Variants in ZNF366 observed in about 807,000 individuals in gnomAD.
ZNF366 encodes the protein dendritic cell-specific transcript protein.
Under a neutral mutation model 47.2 loss-of-function variants are expected in ZNF366, and 20 were observed. The observed-to-expected ratio is 0.42, with a 90% CI of 0.30 to 0.62. The LOEUF (loss-of-function observed/expected upper bound fraction) is 0.62, where lower values mean the gene tolerates loss of function less well. Ranked by LOEUF, ZNF366 falls within the 20% of genes least tolerant of loss-of-function variation. ZNF366 has a pLI of 0.16. For missense variants in ZNF366, 987 were observed against 976.3 expected, an observed-to-expected ratio of 1.01 and a Z score of -0.15; for synonymous variants, 421 against 395.1, an observed-to-expected ratio of 1.07 and a Z score of -0.78.
chr5:72,505,877 G>A (rs560292256), intron 1 of ZNF366, among the ~76,000 whole-genome samples: 4 of 152,244 alleles, frequency 2.6e-5, no homozygotes, highest in East Asian at 3.9e-4. Context: ...TTTTGCATCC[G>A]CAAGCTGGCA....
intron 3 of ZNF366, among the ~76,000 whole-genome samples, chr5:72,454,548 G>A (rs766956484): frequency 1.3e-5 from 2 of 152,226 alleles, no homozygotes; most frequent in African/African-American, 4.8e-5. Context: ...AATTGATGAG[G>A]TGGAGGTAGG....
intron 2 of ZNF366, among the ~76,000 whole-genome samples, chr5:72,458,012 CTTTTTTTTTTT>C (rs1228705988): frequency 3.1e-5 from 3 of 97,056 alleles, no homozygotes; most frequent in Non-Finnish European, 6.1e-5. Flanking sequence ...TAGCATCTTT[CTTTTTTTTTTT>C]TTTTTTTTTT....
chr5:72,492,185 C>T (rs1744025681), intron 1 of ZNF366, among the ~76,000 whole-genome samples: 1 of 152,122 alleles, frequency 6.6e-6, no homozygotes, highest in Non-Finnish European at 1.5e-5. Flanking sequence ...TCATTTGATC[C>T]CAGTGGGTAG....
chr5:72,482,193 A>G (rs1743802034), intron 1 of ZNF366, among the ~76,000 whole-genome samples: 1 of 152,248 alleles, frequency 6.6e-6, no homozygotes, highest in Admixed American at 6.5e-5. Flanking sequence ...ACTCATAAGT[A>G]GAGACAAAAC....
At position 72,444,283 on chromosome 5, in the gene ZNF366, T is replaced by C; in HGVS notation, c.1708A>G (p.Arg570Gly). 1 of 1,608,318 alleles carries C rather than the reference T, an allele frequency of 6.2e-7. No homozygotes were observed. Among genetic ancestry groups the C allele is most frequent in the South Asian group, 1.1e-5 (1 of 90,524 alleles). ...GTCTGTGCCAGGGCGATTCTCCCCC[T>C]TCCCAGACCTGCAAGAGCAGAGTAA... is the stretch of plus-strand genomic sequence containing the variant. The part of the protein sequence containing the change: ...ERGLHSQGLG[R>G]GRIALAQTAG... Residue 570 changes from arginine to glycine, a missense_variant, in exon 5 of 5, where the codon AGG becomes GGG. Arg to Gly is a moderately radical substitution (Grantham distance 125). Around this residue, in one of 3 missense-constraint regions of ZNF366, gnomAD observed 285 missense variants for 234.8 expected, o/e 1.21. Coordinates refer to ENST00000318442, the MANE Select transcript of ZNF366 (RefSeq NM_152625.3).
intron 3 of ZNF366, among the ~76,000 whole-genome samples, chr5:72,447,864 T>C (rs1300337466): frequency 6.6e-6 from 1 of 152,204 alleles, no homozygotes; most frequent in Non-Finnish European, 1.5e-5. Context: ...TGGTTGCTAT[T>C]ACCACCCCCA....
intron 1 of ZNF366, among the ~76,000 whole-genome samples, chr5:72,484,376 C>G (rs547847385): frequency 1.2e-4 from 18 of 148,096 alleles, no homozygotes; most frequent in Non-Finnish European, 2.3e-4. Context: ...CCCAGCTACT[C>G]GGGAGGCTGA....
chr5:72,500,216 C>T (rs558903178), intron 1 of ZNF366, among the ~76,000 whole-genome samples: 1 of 152,056 alleles, frequency 6.6e-6, no homozygotes, highest in Non-Finnish European at 1.5e-5. Context: ...CGGCAGAGTA[C>T]GTTTTCTTCC....
At chr5:72,469,243 G>A (rs1045994985) in intron 1 of ZNF366, among the ~76,000 whole-genome samples, 31 of 152,000 alleles carry the variant, frequency 2.0e-4, no homozygotes, top group African/African-American at 7.5e-4. Flanking sequence ...GCTGGGGAGA[G>A]GTTGATAGAA....
chr5:72,442,634 G>A lies in ZNF366; in HGVS notation c.*1122C>T, dbSNP rs927773818. 2 of 147,568 alleles carry A rather than the reference G, an allele frequency of 1.4e-5. No individual in the cohort carries two copies. The highest frequency in any genetic ancestry group is 1.4e-4 in the Admixed American group (2 of 14,754). The allele number at this position is 147,568 out of a possible 1,614,324, so 9.1% of individuals were successfully genotyped here. A position where few individuals can be genotyped will look rare whatever the true frequency, so the allele number is the denominator to read the frequency against. ...AAAGCCCCCTGGTCACTGGTGACAA[G>A]TCTTCCTGCATCTGTCCTTTTTTTT... On this transcript the variant is annotated 3_prime_UTR_variant, in exon 5 of 5. Transcript: ENST00000318442.
At chr5:72,483,108 G>A (rs1433489989) in intron 1 of ZNF366, among the ~76,000 whole-genome samples, 1 of 152,166 alleles carries the variant, frequency 6.6e-6, no homozygotes, top group Non-Finnish European at 1.5e-5. Context: ...TTCATGGTGA[G>A]AAGTCAGGCA....
chr5:72,480,265 A>G (rs1034488962), intron 1 of ZNF366, among the ~76,000 whole-genome samples: 5 of 152,254 alleles, frequency 3.3e-5, no homozygotes, highest in East Asian at 1.9e-4. Flanking sequence ...TGAGGGGCCT[A>G]TTCTGAGAGA....
At chr5:72,491,434 A>G (rs1215942334) in intron 1 of ZNF366, among the ~76,000 whole-genome samples, 1 of 152,226 alleles carries the variant, frequency 6.6e-6, no homozygotes, top group East Asian at 1.9e-4. Context: ...CAAGTATGTT[A>G]TTAATATATC....
intron 1 of ZNF366, among the ~76,000 whole-genome samples, chr5:72,491,878 G>A (rs1272700100): frequency 6.6e-6 from 1 of 152,176 alleles, no homozygotes; most frequent in Non-Finnish European, 1.5e-5. Context: ...TCCAGCAGTT[G>A]CTGTGACTCT....
intron 4 of ZNF366, among the ~76,000 whole-genome samples, chr5:72,444,879 CTTAAA>C (rs1244320224): frequency 6.6e-6 from 1 of 152,186 alleles, no homozygotes; most frequent in African/African-American, 2.4e-5. Context: ...ATGTCAAAAT[CTTAAA>C]TTAATGAACA....
At chr5:72,463,302 C>A (rs1440831705) in intron 1 of ZNF366, among the ~76,000 whole-genome samples, 1 of 152,130 alleles carries the variant, frequency 6.6e-6, no homozygotes, top group Non-Finnish European at 1.5e-5. Context: ...TGTTTGGTTA[C>A]CTAGTCTATA....
chr5:72,445,258 G>C (rs988571986), intron 4 of ZNF366, among the ~76,000 whole-genome samples: 2 of 152,156 alleles, frequency 1.3e-5, no homozygotes, highest in Non-Finnish European at 1.5e-5. Context: ...TTAAGGCTTT[G>C]ACCTTTGATG....
intron 1 of ZNF366, among the ~76,000 whole-genome samples, chr5:72,478,593 A>C (rs1348063935): frequency 1.3e-5 from 2 of 152,218 alleles, no homozygotes; most frequent in African/African-American, 4.8e-5. Flanking sequence ...CTGAGTTTGG[A>C]AAGTCAGTTA....
intron 1 of ZNF366, among the ~76,000 whole-genome samples, chr5:72,498,217 C>CTTTTATTTTATTTTAATTT (rs1183145487): frequency 1.7e-4 from 26 of 152,138 alleles, no homozygotes; most frequent in Non-Finnish European, 2.6e-4. Flanking sequence ...TTATTTTTAA[C>CTTTTATTTTATTTTAATTT]ATTTTAAGTC....
Sources: gnomAD v4.1 joint callset for allele counts (sites outside exome capture counted in the v4.1 genomes callset) on GRCh38, gnomAD v4.1.1 for gene constraint, gnomAD v4.1.1 regional missense constraint, MANE v1.5 for transcripts, NCBI Gene and HGNC (gene_info 2026-07-23, HGNC 2026-07-21) for gene names.